Variants in ARHGAP26 observed in about 807,000 individuals in gnomAD.
The protein encoded by ARHGAP26 is Rho GTPase activating protein 26.
In ARHGAP26, 38 loss-of-function variants were observed where a neutral mutation model predicts 104.8. The observed-to-expected ratio is 0.36, with a 90% CI of 0.28 to 0.48. ARHGAP26 has a LOEUF of 0.48. Among genes scored for constraint, ARHGAP26 ranks in the 20% least tolerant of loss-of-function variants. The pLI is 0.99. For synonymous variants in ARHGAP26, 341 were observed against 340.0 expected (o/e 1.00, Z -0.03); for missense variants, 704 against 947.9 (o/e 0.74, Z 3.38).
rs763487298 is a variant in ARHGAP26, at chr5:142,956,967, A to T, written c.1107+24842A>T. On this transcript the variant is annotated intron_variant, in intron 11 of 22. Transcript: ENST00000645722. The stretch of plus-strand genomic sequence containing the variant: ...TCTCCCCCTGGGTCCCTCCCACAAC[A>T]CGTGAGAATTTTGGGACATACAATT... Among the ~76,000 whole-genome samples, 7 of 152,244 alleles carry T rather than the reference A, an allele frequency of 4.6e-5. No individual in the cohort carries two copies. In the South Asian group the frequency reaches 1.5e-3, roughly 32 times the overall value.
intron 2 of ARHGAP26, among the ~76,000 whole-genome samples, chr5:142,873,798 A>G (rs1275340974): frequency 6.6e-6 from 1 of 151,906 alleles, no homozygotes; most frequent in Non-Finnish European, 1.5e-5. Flanking sequence ...CCCTTCAACC[A>G]TAGTACTAAG....
In ARHGAP26 at chr5:142,858,490, A is replaced by G. The variant is rs967931614; in HGVS notation, c.155-14910A>G. Among the ~76,000 whole-genome samples the G allele has an allele frequency of 2.6e-5, 4 of 152,086 alleles. 1 individual carries two copies. Among genetic ancestry groups the G allele is most frequent in the East Asian group, 1.9e-4 (1 of 5,192 alleles). ...GTAATGGGATGGCTGTTTTGTCTAC[A>G]TTTCTGGGACTTAACATTCCCTTTT... On this transcript the variant is annotated intron_variant, in intron 1 of 22. Coordinates refer to ENST00000645722, the MANE Select transcript of ARHGAP26 (RefSeq NM_001135608.3).
At chr5:142,858,086 TGTGTGTGTGA>T (rs1386822227) in intron 1 of ARHGAP26, among the ~76,000 whole-genome samples, 1,752 of 144,148 alleles carry the variant, frequency 0.012, 35 homozygotes, top group African/African-American at 0.045. Flanking sequence ...TGTGTGTGTG[TGTGTGTGTGA>T]GAGAGAGAGA....
At chr5:143,070,890 T>TGAC (rs1162649504) in intron 17 of ARHGAP26, among the ~76,000 whole-genome samples, 3 of 151,802 alleles carry the variant, frequency 2.0e-5, no homozygotes, top group Admixed American at 6.6e-5. Flanking sequence ...CCAGCCTGGG[T>TGAC]GACAGATCTT....
In ARHGAP26 at chr5:142,776,045, C is replaced by T. The variant is rs978750700; in HGVS notation, c.154+5130C>T. Reference sequence around the variant, plus strand: ...TTCAAAGCAGTTACTTGCTTCAGGTCAGCATGTTTTTGGGGGAATTTTTCA... The same window carrying T: ...TTCAAAGCAGTTACTTGCTTCAGGTTAGCATGTTTTTGGGGGAATTTTTCA... On this transcript the variant is annotated intron_variant, in intron 1 of 22. Transcript: ENST00000645722. Among the ~76,000 whole-genome samples, 41 of 152,134 alleles carry T rather than the reference C, an allele frequency of 2.7e-4. 1 individual carries two copies. Among genetic ancestry groups the T allele is most frequent in the Non-Finnish European group, 4.4e-5 (3 of 68,028 alleles).
rs142747062 is a variant in ARHGAP26 at position 142,856,282 on chromosome 5, G to T, written c.155-17118G>T. On this transcript the variant is annotated intron_variant, in intron 1 of 22. Transcript: ENST00000645722. ...TTGAAAGAGGTTCCTGGAGGGCCAG[G>T]TGGCAGTCGGTTGGTTGTGTTGGTC... Among the ~76,000 whole-genome samples the T allele has an allele frequency of 2.6e-4, 40 of 152,374 alleles. 1 individual carries two copies. In the East Asian group the frequency reaches 5.8e-3, roughly 22 times the overall value.
At chr5:142,970,488 G>A (rs975743952) in intron 11 of ARHGAP26, among the ~76,000 whole-genome samples, 5 of 152,134 alleles carry the variant, frequency 3.3e-5, no homozygotes, top group African/African-American at 1.2e-4. Context: ...CACTTCTGGC[G>A]GCTCCAACCT....
intron 1 of ARHGAP26, among the ~76,000 whole-genome samples, chr5:142,862,685 C>T (rs970336598): frequency 2.0e-5 from 3 of 152,154 alleles, no homozygotes; most frequent in Non-Finnish European, 4.4e-5. Flanking sequence ...CAGTCCTTCC[C>T]AATTTCCTCA....
chr5:143,122,285 G>A (rs1393704390), intron 18 of ARHGAP26, among the ~76,000 whole-genome samples: 1 of 152,122 alleles, frequency 6.6e-6, no homozygotes, highest in African/African-American at 2.4e-5. Context: ...CTGCCTTGCT[G>A]TTTCTTGGAC....
intron 11 of ARHGAP26, among the ~76,000 whole-genome samples, chr5:142,950,496 A>C (rs991792844): frequency 6.6e-6 from 1 of 151,946 alleles, no homozygotes; most frequent in Admixed American, 6.6e-5. Flanking sequence ...AAACAACTCT[A>C]TTCATTTCTT....
intron 1 of ARHGAP26, among the ~76,000 whole-genome samples, chr5:142,826,017 C>A (rs40128): frequency 6.6e-6 from 1 of 152,032 alleles, no homozygotes. Context: ...ATTTTCTTAT[C>A]GATTTGCTGG....
intron 17 of ARHGAP26, among the ~76,000 whole-genome samples, chr5:143,066,790 A>G (rs756391757): frequency 2.0e-5 from 3 of 152,152 alleles, no homozygotes; most frequent in Non-Finnish European, 2.9e-5. Flanking sequence ...GTTTGTGTGC[A>G]TTTGGCCCAA....
intron 1 of ARHGAP26, among the ~76,000 whole-genome samples, chr5:142,810,595 G>A (rs141887162): frequency 6.6e-6 from 1 of 152,270 alleles, no homozygotes; most frequent in Non-Finnish European, 1.5e-5. Context: ...ATACCTGAGT[G>A]GACAGGCAAG....
At chr5:143,129,736 A>G (rs1797117614) in intron 18 of ARHGAP26, among the ~76,000 whole-genome samples, 1 of 152,252 alleles carries the variant, frequency 6.6e-6, no homozygotes, top group Non-Finnish European at 1.5e-5. Context: ...ATAACTGAGC[A>G]TGATAAGTGC....
intron 1 of ARHGAP26, among the ~76,000 whole-genome samples, chr5:142,853,266 C>T (rs945606665): frequency 3.9e-5 from 6 of 152,148 alleles, no homozygotes; most frequent in Admixed American, 2.0e-4. Context: ...CTCACTGCAA[C>T]CTCCGCCTCC....
intron 11 of ARHGAP26, among the ~76,000 whole-genome samples, chr5:142,953,725 A>T (rs921856254): frequency 1.3e-5 from 2 of 152,220 alleles, no homozygotes; most frequent in African/African-American, 4.8e-5. Context: ...TGGAGTGCCA[A>T]CTGACAAGAG....
chr5:142,802,119 C>T (rs1762184485), intron 1 of ARHGAP26, among the ~76,000 whole-genome samples: 2 of 152,222 alleles, frequency 1.3e-5, no homozygotes, highest in Non-Finnish European at 2.9e-5. Flanking sequence ...TTGTTTACAA[C>T]AATATCCAGA....
rs1432051636 is a variant in ARHGAP26, at chr5:142,864,542, T to C, written c.155-8858T>C. Among the ~76,000 whole-genome samples, 16 of 152,278 alleles carry C rather than the reference T, an allele frequency of 1.1e-4. No homozygotes were observed. The East Asian group carries it at 2.9e-3, about 28-fold the overall frequency. On this transcript the variant is annotated intron_variant, in intron 1 of 22. Transcript: ENST00000645722. ...TGAAGAAAACCCTTAGGAACTCAGG[T>C]GTGTTTTTAGTAGTTCACAAGAATG...
chr5:142,941,099 AAG>A (rs1491023715), intron 11 of ARHGAP26, among the ~76,000 whole-genome samples: 2,722 of 143,912 alleles, frequency 0.019, 347 homozygotes, highest in East Asian at 0.14. Flanking sequence ...AAAAAAAAAA[AAG>A]AATCTATATT....
Sources: gnomAD v4.1 joint callset for allele counts (sites outside exome capture counted in the v4.1 genomes callset) on GRCh38, gnomAD v4.1.1 for gene constraint, MANE v1.5 for transcripts, NCBI Gene and HGNC (gene_info 2026-07-23, HGNC 2026-07-21) for gene names.